The following FSHR variants were observed in gnomAD, a reference collection of about 807,000 sequenced individuals.
FSHR encodes the protein follicle-stimulating hormone receptor.
FSHR carries 46 observed loss-of-function variants against 52.1 expected under a neutral mutation model. The ratio of observed to expected loss-of-function variants is 0.88; its 90% CI spans 0.70 to 1.13. FSHR has a LOEUF of 1.13. Ranked by LOEUF, FSHR falls within the 50% of genes most tolerant of loss-of-function variation. The probability of loss-of-function intolerance (pLI) is 0.00; values close to 1 mark genes in which losing one functional copy is unlikely to be tolerated. For synonymous variants in FSHR, 399 were observed against 309.6 expected, an observed-to-expected ratio of 1.29 and a Z score of -3.03; for missense variants, 964 against 834.6, an observed-to-expected ratio of 1.16 and a Z score of -1.91.
chr2:49,144,629 A>ATGTATTTCTTGT (rs111650686), intron 1 of FSHR, among the ~76,000 whole-genome samples: 24,179 of 151,988 alleles, frequency 0.16, 1,881 homozygotes, highest in Middle Eastern at 0.25. Flanking sequence ...GCATTTTCTA[A>ATGTATTTCTTGT]TGTCCTCTCC....
At chr2:49,042,797 G>T (rs1668522377) in intron 2 of FSHR, among the ~76,000 whole-genome samples, 1 of 152,150 alleles carries the variant, frequency 6.6e-6, no homozygotes, top group African/African-American at 2.4e-5. Context: ...AATGAGGAAG[G>T]CCTGAAGATG....
At chr2:49,081,507 G>C (rs576993091) in intron 1 of FSHR, among the ~76,000 whole-genome samples, 6 of 152,192 alleles carry the variant, frequency 3.9e-5, no homozygotes, top group African/African-American at 1.4e-4. Context: ...CATATCCCAA[G>C]CATCATTTAT....
At chr2:48,999,287 A>G (rs1229791499) in intron 4 of FSHR, among the ~76,000 whole-genome samples, 1 of 151,928 alleles carries the variant, frequency 6.6e-6, no homozygotes, top group East Asian at 1.9e-4. Flanking sequence ...TACCTTGGAG[A>G]CAGGTACCCT....
At chr2:49,060,073 T>C (rs984786272) in intron 2 of FSHR, among the ~76,000 whole-genome samples, 1 of 152,030 alleles carries the variant, frequency 6.6e-6, no homozygotes, top group Non-Finnish European at 1.5e-5. Flanking sequence ...AGAAGACATA[T>C]AAATGGCCAA....
chr2:49,050,699 G>A (rs1379507660), intron 2 of FSHR, among the ~76,000 whole-genome samples: 1 of 152,100 alleles, frequency 6.6e-6, no homozygotes, highest in Non-Finnish European at 1.5e-5. Context: ...CTGAGATGTA[G>A]TATTTAAAAC....
chr2:49,040,563 T>G (rs1393969954), intron 2 of FSHR, among the ~76,000 whole-genome samples: 1 of 152,104 alleles, frequency 6.6e-6, no homozygotes, highest in Non-Finnish European at 1.5e-5. Flanking sequence ...AAATATGTGT[T>G]GAAAGTAGGA....
chr2:49,117,313 G>A (rs989306138), intron 1 of FSHR, among the ~76,000 whole-genome samples: 12 of 152,024 alleles, frequency 7.9e-5, no homozygotes, highest in South Asian at 2.1e-4. Flanking sequence ...GTATGTCATC[G>A]GTGTCATTAG....
intron 2 of FSHR, among the ~76,000 whole-genome samples, chr2:49,045,716 G>T (rs1668631345): frequency 6.6e-6 from 1 of 152,106 alleles, no homozygotes; most frequent in Non-Finnish European, 1.5e-5. Flanking sequence ...CTTTGCACTT[G>T]GATTTTTACT....
intron 6 of FSHR, among the ~76,000 whole-genome samples, chr2:48,983,703 T>C (rs764285038): frequency 1.2e-4 from 18 of 152,304 alleles, no homozygotes; most frequent in East Asian, 9.6e-4. Flanking sequence ...CTGTGACCCA[T>C]AGGGACCTGG....
intron 8 of FSHR, among the ~76,000 whole-genome samples, chr2:48,977,265 G>A (rs1160399402): frequency 2.0e-5 from 3 of 152,126 alleles, no homozygotes; most frequent in African/African-American, 7.2e-5. Context: ...GTTATTCTGG[G>A]CAATCATACT....
chr2:49,047,414 A>G (rs868439357), intron 2 of FSHR, among the ~76,000 whole-genome samples: 1 of 152,356 alleles, frequency 6.6e-6, no homozygotes. Flanking sequence ...TGAGGAGCCC[A>G]TCAAAAGACG....
chr2:49,037,837 G>A (rs1009535040), intron 2 of FSHR, among the ~76,000 whole-genome samples: 1 of 152,104 alleles, frequency 6.6e-6, no homozygotes, highest in African/African-American at 2.4e-5. Context: ...AATCCAGAAA[G>A]AGAAAATGAT....
intron 1 of FSHR, among the ~76,000 whole-genome samples, chr2:49,092,316 A>G (rs1670643457): frequency 6.6e-6 from 1 of 152,184 alleles, no homozygotes; most frequent in Non-Finnish European, 1.5e-5. Flanking sequence ...GTAATTTATG[A>G]ACAGAGACAA....
At chr2:48,992,238 G>A (rs1675816468) in intron 4 of FSHR, among the ~76,000 whole-genome samples, 1 of 152,128 alleles carries the variant, frequency 6.6e-6, no homozygotes, top group Non-Finnish European at 1.5e-5. Context: ...TATGGGCTAA[G>A]ACAAATACAT....
At chr2:49,085,760 T>G (rs1403271269) in intron 1 of FSHR, among the ~76,000 whole-genome samples, 1 of 152,112 alleles carries the variant, frequency 6.6e-6, no homozygotes, top group Admixed American at 6.5e-5. Context: ...GTGGCACATA[T>G]ACACCATGGA....
chr2:48,988,265 T>A (rs1675608376), intron 6 of FSHR, among the ~76,000 whole-genome samples: 1 of 152,216 alleles, frequency 6.6e-6, no homozygotes, highest in African/African-American at 2.4e-5. Flanking sequence ...GTAAAATAGA[T>A]AAAATGCTTT....
chr2:49,127,529 C>T (rs1326262576), intron 1 of FSHR, among the ~76,000 whole-genome samples: 3 of 151,620 alleles, frequency 2.0e-5, no homozygotes, highest in Non-Finnish European at 4.4e-5. Context: ...TACACACACA[C>T]ACACACACAC....
At chr2:49,112,276 G>A (rs1012005310) in intron 1 of FSHR, among the ~76,000 whole-genome samples, 26 of 152,102 alleles carry the variant, frequency 1.7e-4, no homozygotes, top group African/African-American at 6.3e-4. Context: ...TAAGGGAAAT[G>A]CCATTTTTTT....
intron 1 of FSHR, among the ~76,000 whole-genome samples, chr2:49,135,686 A>G (rs1193115683): frequency 6.6e-6 from 1 of 152,158 alleles, no homozygotes; most frequent in Non-Finnish European, 1.5e-5. Flanking sequence ...ATAACTTCGA[A>G]TCCTCTAAAA....
Sources: gnomAD v4.1 joint callset for allele counts (sites outside exome capture counted in the v4.1 genomes callset) on GRCh38, gnomAD v4.1.1 for gene constraint, MANE v1.5 for transcripts, NCBI Gene and HGNC (gene_info 2026-07-23, HGNC 2026-07-21) for gene names.